Variants in TMPRSS4 observed in about 807,000 individuals in gnomAD.
The protein encoded by TMPRSS4 is transmembrane protease serine 4.
In TMPRSS4, 45 loss-of-function variants were observed where a neutral mutation model predicts 56.4. The observed-to-expected ratio is 0.80, with a 90% confidence interval of 0.63 to 1.02. TMPRSS4 has a LOEUF of 1.02. Among genes scored for constraint, TMPRSS4 ranks in the 50% least tolerant of loss-of-function variants. The pLI, the probability that TMPRSS4 is intolerant of heterozygous loss-of-function variation, is 0.00. For missense variants in TMPRSS4, 546 were observed against 556.7 expected (o/e 0.98, Z 0.19); for synonymous variants, 205 against 211.0 (o/e 0.97, Z 0.25).
At position 118,103,606 on chromosome 11, in the gene TMPRSS4, T is replaced by C. The variant is rs531773697; in HGVS notation, c.310+353T>C. On this transcript the variant is annotated intron_variant, in intron 4 of 12. Transcript: ENST00000437212. The stretch of plus-strand genomic sequence containing the variant: ...CACATTGGTCAGGCTGATCTTGAAC[T>C]CCTGACCTCAGGTGATCTGCCCGCC... Among the ~76,000 whole-genome samples the C allele has an allele frequency of 1.6e-3, 238 of 152,328 alleles. 1 individual carries two copies. The highest frequency in any genetic ancestry group is 5.3e-3 in the African/African-American group (222 of 41,570).
rs184446716 is a variant in TMPRSS4, at chr11:118,090,131, C to T, written c.4-4685C>T. On this transcript the variant is annotated intron_variant, in intron 1 of 12. Coordinates refer to ENST00000437212, the MANE Select transcript of TMPRSS4 (RefSeq NM_019894.4). ...TGCTGGGATTACAGGTGTAAGCCAC[C>T]GTACCTGGCCCCATCCATATTATTT... Among the ~76,000 whole-genome samples, 374 of 152,272 alleles carry T rather than the reference C, an allele frequency of 2.5e-3. 1 individual carries two copies. The highest frequency in any genetic ancestry group is 4.7e-3 in the Non-Finnish European group (321 of 68,010).
chr11:118,125,168 C>T, downstream of TMPRSS4: 1 of 427,756 alleles, frequency 2.3e-6, no homozygotes, highest in Non-Finnish European at 4.8e-6. Flanking sequence ...CTCTGACTTC[C>T]CCAGGGCTTC....
Position 118,119,472 on chromosome 11 carries a change from C to T in TMPRSS4, c.*1559C>T. On this transcript the variant is annotated 3_prime_UTR_variant, in exon 13 of 13. Coordinates refer to ENST00000437212, the MANE Select transcript of TMPRSS4 (RefSeq NM_019894.4). ...AAAAATAAAAAACACCTTAAGTGGG[C>T]AGCATAAAAAACAGCTAATTTAGAA... The T allele has an allele frequency of 1.7e-6, 1 of 604,212 alleles. No homozygotes were observed. Among genetic ancestry groups the T allele is most frequent in the Non-Finnish European group, 2.1e-6 (1 of 482,208 alleles). The allele number at this position is 604,212 out of a possible 1,614,324, so 37.4% of individuals were successfully genotyped here.
At chr11:118,108,330 G>A (rs76394187) in intron 6 of TMPRSS4, 8,691 of 169,252 alleles carry the variant, frequency 0.051, 591 homozygotes, top group African/African-American at 0.15. Flanking sequence ...CCTGAGCCTC[G>A]CCACCCTGTG....
At chr11:118,106,392 C>T (rs972697148) in intron 5 of TMPRSS4, 1 of 152,158 alleles carries the variant, frequency 6.6e-6, no homozygotes, top group Admixed American at 6.5e-5. Context: ...GACTTCTCTA[C>T]TTTCTTTCCT....
chr11:118,096,786 T>C (rs1946313392), intron 2 of TMPRSS4, among the ~76,000 whole-genome samples: 1 of 137,292 alleles, frequency 7.3e-6, no homozygotes, highest in Non-Finnish European at 1.5e-5. Flanking sequence ...ATTCCATGAA[T>C]GAAAGGGAGA....
At chr11:118,124,991 A>G (rs1037681660), downstream of TMPRSS4, among the ~76,000 whole-genome samples, 9 of 152,062 alleles carry the variant, frequency 5.9e-5, no homozygotes, top group Non-Finnish European at 1.0e-4. Context: ...CACAGTTGTA[A>G]AGCTCTGGCC....
intron 5 of TMPRSS4, chr11:118,107,134 C>T (rs1242212432): frequency 1.3e-5 from 2 of 152,170 alleles, no homozygotes; most frequent in East Asian, 3.9e-4. Flanking sequence ...TCAAGGAAGG[C>T]TTCCTGGAGG....
rs570369608 is a variant in TMPRSS4, at chr11:118,089,750, C to G, written c.4-5066C>G. On this transcript the variant is annotated intron_variant, in intron 1 of 12. Transcript: ENST00000437212. ...TGCCCAAGTAAGTTCTTCCCAAACC[C>G]CATATTCATCATTCCCTTGCTTCTC... Among the ~76,000 whole-genome samples, 15 of 152,292 alleles carry G rather than the reference C, an allele frequency of 9.8e-5. No homozygotes were observed. The East Asian group carries it at 2.7e-3, about 27-fold the overall frequency.
chr11:118,116,715 C>CTTT lies in TMPRSS4; in HGVS notation c.1153-576_1153-574dup, dbSNP rs58251133. Among the ~76,000 whole-genome samples, 115 of 123,344 alleles carry CTTT rather than the reference C, an allele frequency of 9.3e-4. 4 individuals carry two copies. In the South Asian group the frequency reaches 0.017, roughly 18 times the overall value. 80.9% of individuals were successfully genotyped at this position (123,344 alleles called of 152,430 possible). ...ACTAGGTTAAACAATGATAACCAGG[C>CTTT]TTTTTTTTTTTTTTTTGAGACTGAG... On this transcript the variant is annotated intron_variant, in intron 11 of 12. Transcript: ENST00000437212.
chr11:118,095,148 C>A (rs1946215348), intron 2 of TMPRSS4: 1 of 417,668 alleles, frequency 2.4e-6, no homozygotes, highest in Non-Finnish European at 4.5e-6. Flanking sequence ...ACTGTACGTA[C>A]CTGCCATGTG....
intron 1 of TMPRSS4, among the ~76,000 whole-genome samples, chr11:118,094,167 G>T (rs1292354915): frequency 6.6e-6 from 1 of 152,106 alleles, no homozygotes; most frequent in East Asian, 1.9e-4. Context: ...ACAATTGCTG[G>T]GTCAGAGAAT....
chr11:118,077,200 C>CCTG lies in TMPRSS4; in HGVS notation c.-99_-97dup. On this transcript the variant is annotated 5_prime_UTR_variant, in exon 1 of 13. Transcript: ENST00000437212. The stretch of plus-strand genomic sequence containing the variant: ...GCCAGTGCTGACCAGGGACTTCTGA[C>CCTG]CTGCTGGCCAGCCAGGACCTGTGTG... The CCTG allele has an allele frequency of 6.7e-7, 1 of 1,488,812 alleles. No individual in the cohort carries two copies. The highest frequency in any genetic ancestry group is 1.4e-5 in the African/African-American group (1 of 71,916). 92.2% of individuals were successfully genotyped at this position (1,488,812 alleles called of 1,614,324 possible).
chr11:118,097,341 A>G (rs1946462641), intron 2 of TMPRSS4, among the ~76,000 whole-genome samples: 1 of 152,066 alleles, frequency 6.6e-6, no homozygotes, highest in African/African-American at 2.4e-5. Flanking sequence ...GGAGGATAGG[A>G]AAGGTTGGAA....
At chr11:118,097,573 G>C (rs1946478429) in intron 2 of TMPRSS4, among the ~76,000 whole-genome samples, 1 of 152,156 alleles carries the variant, frequency 6.6e-6, no homozygotes, top group Non-Finnish European at 1.5e-5. Flanking sequence ...GGACTTAAAA[G>C]AATGTATCTC....
intron 3 of TMPRSS4, chr11:118,102,890 G>C: frequency 3.4e-6 from 2 of 593,634 alleles, no homozygotes; most frequent in South Asian, 4.3e-5. Flanking sequence ...CAGACATCTT[G>C]TGGGGGTGGG....
At chr11:118,124,375 C>T (rs190372815), downstream of TMPRSS4, among the ~76,000 whole-genome samples, 1 of 152,098 alleles carries the variant, frequency 6.6e-6, no homozygotes, top group East Asian at 1.9e-4. Flanking sequence ...CAGAGCGAGA[C>T]TCCATCTCAA....
In TMPRSS4 at chr11:118,104,804, C is replaced by T. The variant is rs1420673020; in HGVS notation, c.424C>T (p.Gln142Ter). The T allele has an allele frequency of 6.2e-7, 1 of 1,609,742 alleles. No individual in the cohort carries two copies. The highest frequency in any genetic ancestry group is 1.1e-5 in the South Asian group (1 of 90,446). ...TEALAETACR[Q>*]MGYSSKPTFR... ...AGCTCTCGCTGAGACAGCCTGTAGG[C>T]AGATGGGCTACAGCAGGTAACCAAC... Residue 142 changes from glutamine (Q) to a stop codon, truncating the protein, a stop_gained, in exon 5 of 13, where the codon CAG (glutamine) becomes TAG (stop). Coordinates refer to ENST00000437212, the MANE Select transcript of TMPRSS4 (RefSeq NM_019894.4). LOFTEE classifies it high-confidence loss of function.
chr11:118,089,791 G>T (rs1016222483), intron 1 of TMPRSS4, among the ~76,000 whole-genome samples: 5 of 152,164 alleles, frequency 3.3e-5, no homozygotes, highest in African/African-American at 9.7e-5. Flanking sequence ...AAAAGATTCT[G>T]TGCTATATGT....
Sources: allele counts gnomAD v4.1 joint callset (sites outside exome capture counted in the v4.1 genomes callset), GRCh38; gene constraint gnomAD v4.1.1; transcripts MANE v1.5; gene names NCBI Gene and HGNC (gene_info 2026-07-23, HGNC 2026-07-21).